The following TMEFF1 variants were observed in gnomAD, a reference collection of about 807,000 sequenced individuals.
TMEFF1 encodes the protein tomoregulin-1.
TMEFF1 carries 20 observed loss-of-function variants against 47.5 expected under a neutral mutation model. The observed-to-expected ratio is 0.42, with a 90% confidence interval of 0.30 to 0.61. The LOEUF is 0.61. Among genes scored for constraint, TMEFF1 ranks in the 20% least tolerant of loss-of-function variants. The probability of loss-of-function intolerance (pLI) is 0.19; values close to 1 mark genes in which losing one functional copy is unlikely to be tolerated. For synonymous variants in TMEFF1, 162 were observed against 166.3 expected (o/e 0.97, Z 0.20); for missense variants, 411 against 471.1 (o/e 0.87, Z 1.18).
chr9:100,547,943 G>T, intron 6 of TMEFF1, 51 bp downstream of exon 6: 1 of 1,421,704 alleles, frequency 7.0e-7, no homozygotes, highest in African/African-American at 1.5e-5. Flanking sequence ...TTGTATAAAT[G>T]TAATCTTATT....
At chr9:100,561,358 C>G (rs750483021) in intron 7 of TMEFF1, 39 bp from the exon 8 acceptor site, 3 of 1,589,012 alleles carry the variant, frequency 1.9e-6, no homozygotes, top group African/African-American at 1.4e-5. Flanking sequence ...TTTCAGCTTG[C>G]GTTTCATTGT....
Position 100,498,889 on chromosome 9 carries a change from C to T in TMEFF1, c.306+15C>T. 2 of 1,603,856 alleles carry T rather than the reference C, an allele frequency of 1.2e-6. No homozygotes were observed. Among genetic ancestry groups the T allele is most frequent in the Non-Finnish European group, 1.7e-6 (2 of 1,177,012 alleles). On this transcript the variant is annotated intron_variant, in intron 2 of 9. Transcript: ENST00000374879. ...GCCAATTTCAGGTGAGGAAACCCAG[C>T]CTATTTTGAAAAGTTTTATATTCTT...
chr9:100,499,385 A>C (rs1488522377), intron 2 of TMEFF1, among the ~76,000 whole-genome samples: 1 of 152,208 alleles, frequency 6.6e-6, no homozygotes, highest in Non-Finnish European at 1.5e-5. Context: ...ATGCTCTTTT[A>C]GTTGTGATTC....
intron 5 of TMEFF1, among the ~76,000 whole-genome samples, chr9:100,544,897 A>G (rs1479138106): frequency 6.6e-6 from 1 of 152,218 alleles, no homozygotes; most frequent in Admixed American, 6.5e-5. Flanking sequence ...AAAGTTCTAA[A>G]ATGATCTCCT....
intron 1 of TMEFF1, among the ~76,000 whole-genome samples, chr9:100,481,291 C>CCACTGTATTGA (rs942692369): frequency 5.9e-5 from 9 of 152,188 alleles, no homozygotes; most frequent in African/African-American, 2.2e-4. Flanking sequence ...GTTTCGTTTA[C>CCACTGTATTGA]CACTGTATTG....
At chr9:100,482,199 C>CTTTTTTTTTTTTTTTTT in intron 1 of TMEFF1, among the ~76,000 whole-genome samples, 1 of 148,772 alleles carries the variant, frequency 6.7e-6, no homozygotes, top group Non-Finnish European at 1.5e-5. Flanking sequence ...TTCTTTCTTT[C>CTTTTTTTTTTTTTTTTT]TTTTCTTTTT....
At chr9:100,531,195 C>G (rs565569978) in intron 5 of TMEFF1, among the ~76,000 whole-genome samples, 3 of 152,294 alleles carry the variant, frequency 2.0e-5, no homozygotes, top group Admixed American at 2.0e-4. Flanking sequence ...GATGCCCTCT[C>G]TCACCACTCC....
intron 5 of TMEFF1, among the ~76,000 whole-genome samples, chr9:100,539,494 TC>T (rs1838584426): frequency 6.6e-6 from 1 of 152,134 alleles, no homozygotes; most frequent in Non-Finnish European, 1.5e-5. Context: ...CTTGCTGTCT[TC>T]AGGAGTGAAG....
chr9:100,532,817 C>A (rs374188593), intron 5 of TMEFF1, among the ~76,000 whole-genome samples: 76 of 152,088 alleles, frequency 5.0e-4, no homozygotes, highest in East Asian at 4.1e-3. Flanking sequence ...TATTCACAAT[C>A]GCAAAGACTT....
At chr9:100,497,662 A>G (rs1472183796) in intron 1 of TMEFF1, among the ~76,000 whole-genome samples, 1 of 152,140 alleles carries the variant, frequency 6.6e-6, no homozygotes, top group Non-Finnish European at 1.5e-5. Flanking sequence ...GACAGTTGTC[A>G]CCGGACATAG....
At chr9:100,507,929 C>CT (rs1180808839) in intron 2 of TMEFF1, among the ~76,000 whole-genome samples, 1 of 152,120 alleles carries the variant, frequency 6.6e-6, no homozygotes, top group East Asian at 1.9e-4. Flanking sequence ...AACTGTATTC[C>CT]TTTTTTTAGG....
chr9:100,516,257 C>G (rs1008935740), intron 4 of TMEFF1, among the ~76,000 whole-genome samples: 7 of 152,000 alleles, frequency 4.6e-5, no homozygotes, highest in African/African-American at 1.7e-4. Context: ...GTGAGAGTTA[C>G]ATTCTTTTGT....
chr9:100,476,782 C>T (rs548718592), intron 1 of TMEFF1, among the ~76,000 whole-genome samples: 8 of 149,054 alleles, frequency 5.4e-5, no homozygotes, highest in East Asian at 2.0e-4. Flanking sequence ...CAGCAAGCTC[C>T]GCCTCCCGGG....
chr9:100,547,094 C>A (rs12003523), intron 5 of TMEFF1, among the ~76,000 whole-genome samples: 2 of 152,068 alleles, frequency 1.3e-5, no homozygotes, highest in African/African-American at 4.8e-5. Flanking sequence ...TGGCTCACTG[C>A]GGCCTCAACC....
chr9:100,504,150 A>G (rs889794912), intron 2 of TMEFF1, among the ~76,000 whole-genome samples: 4 of 152,206 alleles, frequency 2.6e-5, no homozygotes, highest in South Asian at 2.1e-4. Flanking sequence ...CCTCCCAACA[A>G]GGGTGGCAAT....
At chr9:100,493,168 G>T (rs1246737588) in intron 1 of TMEFF1, among the ~76,000 whole-genome samples, 1 of 151,962 alleles carries the variant, frequency 6.6e-6, no homozygotes, top group Non-Finnish European at 1.5e-5. Context: ...AGTGGGCAGA[G>T]GCCAGGACTG....
At chr9:100,529,872 A>T (rs1162457904) in intron 5 of TMEFF1, among the ~76,000 whole-genome samples, 2 of 152,338 alleles carry the variant, frequency 1.3e-5, no homozygotes, top group Admixed American at 6.5e-5. Context: ...ATGTAAAAGA[A>T]CAGAAATTAT....
intron 7 of TMEFF1, among the ~76,000 whole-genome samples, chr9:100,554,204 T>C (rs924047821): frequency 2.6e-5 from 4 of 152,214 alleles, no homozygotes; most frequent in African/African-American, 9.6e-5. Flanking sequence ...TACTGGTGAC[T>C]GTTTAGATAT....
intron 1 of TMEFF1, among the ~76,000 whole-genome samples, chr9:100,482,088 T>G (rs1837348239): frequency 6.6e-6 from 1 of 151,284 alleles, no homozygotes; most frequent in Non-Finnish European, 1.5e-5. Flanking sequence ...CCTGCACAGT[T>G]TTTTAAAAAA....
Sources: gnomAD v4.1 joint callset for allele counts (sites outside exome capture counted in the v4.1 genomes callset) on GRCh38, gnomAD v4.1.1 for gene constraint, MANE v1.5 for transcripts, NCBI Gene and HGNC (gene_info 2026-07-23, HGNC 2026-07-21) for gene names.